The following ACE variants were observed in gnomAD, a reference collection of about 807,000 sequenced individuals.
The protein encoded by ACE is angiotensin I converting enzyme, also known as angiotensin-converting enzyme.
Under a neutral mutation model 162.3 loss-of-function variants are expected in ACE, and 122 were observed. The observed-to-expected ratio is 0.75, with a 90% CI of 0.65 to 0.87. The LOEUF is 0.87. ACE is among the 40% of genes least tolerant of loss of function. ACE has a pLI of 0.00. For synonymous variants in ACE, 796 were observed against 720.6 expected, an observed-to-expected ratio of 1.10 and a Z score of -1.68; for missense variants, 1,799 against 1,735.1, an observed-to-expected ratio of 1.04 and a Z score of -0.65.
At chr17:63,478,835 A>C (rs2049660408) in intron 2 of ACE, 172 bp from the exon 3 acceptor site, 1 of 668,074 alleles carries the variant, frequency 1.5e-6, no homozygotes, top group Non-Finnish European at 2.7e-6. Context: ...CAGGGGACTC[A>C]GAAGTGATCC....
intron 3 of ACE, 24 bp from the exon 4 acceptor site, chr17:63,479,745 C>T (rs775658233): frequency 1.2e-5 from 20 of 1,612,420 alleles, no homozygotes; most frequent in East Asian, 4.5e-5. Flanking sequence ...GCCTCCTCAC[C>T]GACCCTGCCT....
intron 14 of ACE, 52 bp downstream of exon 14, chr17:63,486,767 A>G (rs2029972421): frequency 6.2e-7 from 1 of 1,611,056 alleles, no homozygotes; most frequent in Non-Finnish European, 8.5e-7. Context: ...CAGTGAGCCC[A>G]ACACAGGGTC....
At position 63,482,471 on chromosome 17, in the gene ACE, A is replaced by G. The variant is rs778168348; in HGVS notation, c.1124A>G (p.Lys375Arg). 25 of 1,613,940 alleles carry G rather than the reference A, an allele frequency of 1.5e-5. No individual in the cohort carries two copies. The highest frequency in any genetic ancestry group is 2.1e-5 in the Non-Finnish European group (25 of 1,179,960). ...TCGCCCTCTCTACGCCCCAGGATCA[A>G]GCAGTGCACACGGGTCACGATGGAC... is the stretch of plus-strand genomic sequence containing the variant. Reference protein sequence around the residue: ...DFYNRKDFRIKQCTRVTMDQL... With the variant: ...DFYNRKDFRIRQCTRVTMDQL... Residue 375 changes from lysine to arginine, a missense_variant, in exon 8 of 25, where the codon AAG becomes AGG. By Grantham distance (26) the Lys-to-Arg change is conservative. Transcript: ENST00000290866.
chr17:63,486,907 TGGGGCCTGG>T (rs2029986151), intron 14 of ACE, 70 bp from the exon 15 acceptor site: 1 of 1,499,958 alleles, frequency 6.7e-7, no homozygotes, highest in African/African-American at 1.4e-5. Context: ...TGCCAGCCCA[TGGGGCCTGG>T]GGGTAGTGCA....
In ACE at chr17:63,479,104, C is replaced by G. The variant is rs372030992; in HGVS notation, c.511+4C>G. 3 of 1,610,016 alleles carry G rather than the reference C, an allele frequency of 1.9e-6. No homozygotes were observed. The Admixed American group carries it at 5.0e-5, about 27-fold the overall frequency. ...ACCTGCTGGTCCCTGGACCCAGGTA[C>G]GGCCCTTGCAGCTCCCCTCTCGGCG... On this transcript the variant is annotated splice_donor_region_variant and intron_variant, in intron 3 of 24. Transcript: ENST00000290866.
At chr17:63,494,281 C>A in intron 21 of ACE, 91 bp from the exon 22 acceptor site, 1 of 1,345,166 alleles carries the variant, frequency 7.4e-7, no homozygotes, top group Non-Finnish European at 1.1e-6. Context: ...AGTATAGCCC[C>A]AAGTGCAGGG....
At chr17:63,486,449 C>T (rs1172522137) in intron 13 of ACE, 108 bp from the exon 14 acceptor site, 2 of 1,250,582 alleles carry the variant, frequency 1.6e-6, no homozygotes, top group Non-Finnish European at 2.3e-6. Context: ...CTTAATTCCA[C>T]TGCCCCCTCA....
At chr17:63,481,244 A>G (rs2147531188) in intron 6 of ACE, 56 bp downstream of exon 6, 4 of 1,499,708 alleles carry the variant, frequency 2.7e-6, no homozygotes, top group East Asian at 2.3e-5. Context: ...GCGCAAAAAA[A>G]GGGAGTCACA....
chr17:63,480,368 C>G lies in ACE; in HGVS notation c.687C>G (p.Ser229=). The change falls in exon 5 of 25, where the codon TCC becomes TCG. Residue 229 remains serine (S), a synonymous_variant. Coordinates refer to ENST00000290866, the MANE Select transcript of ACE (RefSeq NM_000789.4). ...CAGACACGGGGGCCTACTGGCGCTC[C>G]TGGTACAACTCCCCCACCTTCGAGG... ...GFTDTGAYWR[S]WYNSPTFEDD... 2 of 1,614,070 alleles carry G rather than the reference C, an allele frequency of 1.2e-6. No homozygotes were observed. Among genetic ancestry groups the G allele is most frequent in the East Asian group, 4.5e-5 (2 of 44,882 alleles).
chr17:63,488,224 T>C (rs2030096609), intron 15 of ACE, among the ~76,000 whole-genome samples: 1 of 151,836 alleles, frequency 6.6e-6, no homozygotes, highest in Non-Finnish European at 1.5e-5. Context: ...TTGGATGTGG[T>C]GGTGCATGCC....
rs4319 is a variant in ACE at position 63,485,129 on chromosome 17, A to AG, written c.1922-104dup. On this transcript the variant is annotated intron_variant, in intron 12 of 24. Transcript: ENST00000290866. The stretch of plus-strand genomic sequence containing the variant: ...GGGAGAGGCGGGGCCGGGTAGGGAC[A>AG]GGGCAGGGTACAAGGGAGTGCGAGA... The AG allele has an allele frequency of 0.47, 746,409 of 1,574,588 alleles. 180,090 individuals are homozygous for AG. The highest frequency in any genetic ancestry group is 0.65 in the East Asian group (27,943 of 43,040).
Position 63,482,605 on chromosome 17 carries a change from A to G in ACE, c.1258A>G (p.Ile420Val), listed in dbSNP as rs2049728955. The change falls in exon 8 of 25, where the codon ATT becomes GTT. Residue 420 changes from isoleucine (I) to valine (V), a missense_variant. By Grantham distance (29) the Ile-to-Val change is conservative. Transcript: ENST00000290866. ...RGANPGFHEAIGDVLALSVST... is the reference protein window; with the variant it reads ...RGANPGFHEAVGDVLALSVST... ...GGCCAACCCCGGCTTCCATGAGGCC[A>G]TTGGGGACGTGCTGGCGCTCTCGGT... 7.4e-6 allele frequency: 12 copies of G among 1,613,930 alleles called. No homozygotes were observed. The East Asian group carries it at 2.2e-4, about 30-fold the overall frequency.
chr17:63,486,358 G>GGCATCCAGGGAGGGTGAGTACT, intron 13 of ACE, 199 bp from the exon 14 acceptor site: 2 of 637,462 alleles, frequency 3.1e-6, no homozygotes, highest in Non-Finnish European at 5.6e-6. Context: ...CTTGACCGCA[G>GGCATCCAGGGAGGGTGAGTACT]GCATCCAGGG....
chr17:63,480,472 G>A lies in ACE; in HGVS notation c.791G>A (p.Arg264His), dbSNP rs776828648. The A allele has an allele frequency of 6.2e-6, 10 of 1,613,914 alleles. No homozygotes were observed. Among genetic ancestry groups the A allele is most frequent in the African/African-American group, 4.0e-5 (3 of 74,914 alleles). ...GCCTTCGTCCGCCGCGCACTGCATC[G>A]CCGATACGGAGACAGATACATCAAC... Reference protein sequence around the residue: ...LHAFVRRALHRRYGDRYINLR... With the variant: ...LHAFVRRALHHRYGDRYINLR... The change falls in exon 5 of 25, where the codon CGC becomes CAC. Residue 264 changes from arginine to histidine, a missense_variant. Physicochemically the swap from Arg to His is conservative, Grantham distance 29. Transcript: ENST00000290866.
chr17:63,484,327 C>G lies in ACE; in HGVS notation c.1710-3C>G. 1.2e-6 allele frequency: 2 copies of G among 1,609,618 alleles called. No individual in the cohort carries two copies. Among genetic ancestry groups the G allele is most frequent in the Non-Finnish European group, 1.7e-6 (2 of 1,179,528 alleles). On this transcript the variant is annotated splice_region_variant and splice_polypyrimidine_tract_variant and intron_variant, in intron 11 of 24. Coordinates refer to ENST00000290866, the MANE Select transcript of ACE (RefSeq NM_000789.4). The surrounding 1 kb of genome is among the most constrained non-coding windows in gnomAD (Gnocchi z 4.0). The stretch of plus-strand genomic sequence containing the variant: ...TGCCCATGGTACCCACTCTGCCCAC[C>G]AGGAAGGTGCTGCAGGCTGGCTCCT...
At chr17:63,488,853 T>C in intron 16 of ACE, 62 bp downstream of exon 16, 1 of 1,613,928 alleles carries the variant, frequency 6.2e-7, no homozygotes. Flanking sequence ...AAAGAGGTGC[T>C]GTGAAACCCC....
At chr17:63,480,604 G>A (rs2049690991) in intron 5 of ACE, 76 bp downstream of exon 5, 4 of 1,522,126 alleles carry the variant, frequency 2.6e-6, no homozygotes, top group South Asian at 2.3e-5. Flanking sequence ...GATGTCCAGG[G>A]TAAGGGAAGG....
At position 63,479,795 on chromosome 17, in the gene ACE, C is replaced by T. The variant is rs779454500; in HGVS notation, c.538C>T (p.Arg180Ter). 11 of 1,613,270 alleles carry T rather than the reference C, an allele frequency of 6.8e-6. No homozygotes were observed. Among genetic ancestry groups the T allele is most frequent in the Admixed American group, 1.7e-5 (1 of 60,008 alleles). ...PDLTNILASS[R>*]SYAMLLFAWE... ...TCTCACCAACATCCTGGCTTCCTCG[C>T]GAAGCTACGCCATGCTCCTGTTTGC... is the stretch of plus-strand genomic sequence containing the variant. Residue 180 changes from arginine (R) to a stop codon, truncating the protein, a stop_gained, in exon 4 of 25, where the codon CGA becomes TGA. Coordinates refer to ENST00000290866, the MANE Select transcript of ACE (RefSeq NM_000789.4). LOFTEE classifies it high-confidence loss of function.
At chr17:63,480,841 C>T (rs1221642227) in intron 5 of ACE, among the ~76,000 whole-genome samples, 1 of 152,234 alleles carries the variant, frequency 6.6e-6, no homozygotes, top group African/African-American at 2.4e-5. Context: ...GTGGCCCTGC[C>T]TCAGGATTGA....
Sources: gnomAD v4.1 joint callset for allele counts (sites outside exome capture counted in the v4.1 genomes callset) on GRCh38, gnomAD v4.1.1 for gene constraint, Gnocchi (gnomAD v3.1) non-coding constraint, MANE v1.5 for transcripts, NCBI Gene and HGNC (gene_info 2026-07-23, HGNC 2026-07-21) for gene names.